Variants in LATS2 observed in about 807,000 individuals in gnomAD.
The protein encoded by LATS2 is large tumor suppressor kinase 2.
A neutral mutation model predicts 76.0 loss-of-function variants in LATS2; 24 were observed. The observed-to-expected ratio is 0.32, with a 90% confidence interval of 0.23 to 0.44. The LOEUF is 0.44. Ranked by LOEUF, LATS2 falls within the 20% of genes least tolerant of loss-of-function variation. The pLI, the probability that LATS2 is intolerant of heterozygous loss-of-function variation, is 1.00. For missense variants in LATS2, 1,286 were observed against 1,481.2 expected (o/e 0.87, Z 2.16); for synonymous variants, 692 against 635.4 (o/e 1.09, Z -1.34).
At chr13:20,992,511 C>T (rs949890786) in intron 2 of LATS2, among the ~76,000 whole-genome samples, 3 of 152,006 alleles carry the variant, frequency 2.0e-5, no homozygotes, top group Admixed American at 6.6e-5. Flanking sequence ...AGGACAGCTC[C>T]GCAGAGCTGT....
intron 2 of LATS2, among the ~76,000 whole-genome samples, chr13:21,035,049 A>G (rs556959253): frequency 1.8e-4 from 25 of 136,612 alleles, no homozygotes; most frequent in Non-Finnish European, 3.5e-4. Context: ...CGAGAAACAT[A>G]GCAAGACTCC....
rs764530088 is a variant in LATS2 at position 20,989,124 on chromosome 13, A to G, written c.656T>C (p.Val219Ala). 8.9e-5 allele frequency: 143 copies of G among 1,608,022 alleles called. No individual in the cohort carries two copies. The highest frequency in any genetic ancestry group is 1.2e-4 in the Non-Finnish European group (140 of 1,177,980). The change falls in exon 4 of 8, where the codon GTC becomes GCC. Residue 219 changes from valine (V) to alanine (A), a missense_variant. Physicochemically the swap from Val to Ala is moderately conservative, Grantham distance 64 (BLOSUM62 0). Around this residue, in one of 5 missense-constraint regions of LATS2, gnomAD observed 710 missense variants for 660.9 expected, o/e 1.07. Transcript: ENST00000382592. Reference sequence around the variant, plus strand: ...CTGGTGGCCGGGCCCGTGGGGGCCGACTCCGGGGAAAAGGTAGTCCACGTA... The same window carrying G: ...CTGGTGGCCGGGCCCGTGGGGGCCGGCTCCGGGGAAAAGGTAGTCCACGTA... Reference protein sequence around the residue: ...RPYVDYLFPGVGPHGPGHQHQ... With the variant: ...RPYVDYLFPGAGPHGPGHQHQ...
intron 2 of LATS2, among the ~76,000 whole-genome samples, chr13:21,039,208 T>A (rs1872784500): frequency 6.6e-6 from 1 of 152,236 alleles, no homozygotes; most frequent in African/African-American, 2.4e-5. Flanking sequence ...CAATTTCCTG[T>A]TACATGACCG....
At chr13:21,015,432 C>T (rs984928808) in intron 2 of LATS2, among the ~76,000 whole-genome samples, 9 of 152,084 alleles carry the variant, frequency 5.9e-5, no homozygotes, top group African/African-American at 2.2e-4. Context: ...AAGACATGTC[C>T]AATACATAGT....
At chr13:21,053,494 C>T (rs1247737537) in intron 1 of LATS2, among the ~76,000 whole-genome samples, 1 of 152,142 alleles carries the variant, frequency 6.6e-6, no homozygotes, top group Non-Finnish European at 1.5e-5. Flanking sequence ...CATGTGCACA[C>T]AGGCCCACGC....
chr13:21,058,051 T>C (rs1007225535), intron 1 of LATS2, among the ~76,000 whole-genome samples: 2 of 152,158 alleles, frequency 1.3e-5, no homozygotes, highest in Non-Finnish European at 2.9e-5. Flanking sequence ...TACTAAGCAA[T>C]AGACTTTTTA....
chr13:21,049,635 T>C (rs1366720002), intron 1 of LATS2, among the ~76,000 whole-genome samples: 6 of 152,130 alleles, frequency 3.9e-5, no homozygotes, highest in Admixed American at 1.3e-4. Flanking sequence ...TTCACTCAGC[T>C]ATGAAAGGAC....
At chr13:20,993,823 A>G (rs1431922716) in intron 2 of LATS2, among the ~76,000 whole-genome samples, 3 of 152,136 alleles carry the variant, frequency 2.0e-5, no homozygotes, top group African/African-American at 7.2e-5. Context: ...TTGGAGGAAG[A>G]CACGATATAA....
intron 1 of LATS2, among the ~76,000 whole-genome samples, chr13:21,059,769 C>T (rs1210235632): frequency 3.3e-5 from 5 of 152,060 alleles, no homozygotes; most frequent in Admixed American, 6.6e-5. Context: ...AGTTCGAGAG[C>T]CAGCCTGGCC....
intron 7 of LATS2, among the ~76,000 whole-genome samples, chr13:20,976,009 A>C (rs898786441): frequency 2.0e-5 from 3 of 152,202 alleles, no homozygotes; most frequent in African/African-American, 4.8e-5. Flanking sequence ...CGGTCAAAAA[A>C]CGGCCAACTG....
Position 21,016,240 on chromosome 13 carries a change from G to A in LATS2, c.343-24836C>T, listed in dbSNP as rs768786760. Among the ~76,000 whole-genome samples the A allele has an allele frequency of 5.3e-4, 80 of 151,894 alleles. 3 individuals carry two copies. Among genetic ancestry groups the A allele is most frequent in the Non-Finnish European group, 1.3e-4 (9 of 67,982 alleles). ...GACTTCAGGTGATTCACCTACCTTG[G>A]CCTCCCAAAGTGCTGGGATTACAGG... is the stretch of plus-strand genomic sequence containing the variant. On this transcript the variant is annotated intron_variant, in intron 2 of 7. Transcript: ENST00000382592.
At chr13:21,037,672 A>G (rs1872727484) in intron 2 of LATS2, among the ~76,000 whole-genome samples, 1 of 152,178 alleles carries the variant, frequency 6.6e-6, no homozygotes, top group Non-Finnish European at 1.5e-5. Flanking sequence ...CGAGGGACCT[A>G]ATTTTGACTG....
At position 20,991,159 on chromosome 13, in the gene LATS2, G is replaced by T; in HGVS notation, c.475+113C>A. 2.3e-6 allele frequency: 3 copies of T among 1,308,178 alleles called. No individual in the cohort carries two copies. The highest frequency in any genetic ancestry group is 3.2e-6 in the Non-Finnish European group (3 of 930,350). The allele number at this position is 1,308,178 out of a possible 1,614,324, so 81.0% of individuals were successfully genotyped here. ...GCCTGTTAACTGAATGAGGCAATGT[G>T]CCAGGAGACTGGCTCTGGCCAGGCC... On this transcript the variant is annotated intron_variant, in intron 3 of 7. Coordinates refer to ENST00000382592, the MANE Select transcript of LATS2 (RefSeq NM_014572.3). This position sits in a 1 kb window ranked among gnomAD's most constrained non-coding sequence, Gnocchi z 4.9.
chr13:21,014,292 A>G (rs1871712642), intron 2 of LATS2, among the ~76,000 whole-genome samples: 1 of 152,124 alleles, frequency 6.6e-6, no homozygotes, highest in East Asian at 1.9e-4. Context: ...ACCAGGGAGG[A>G]CAATTAGCAT....
intron 1 of LATS2, among the ~76,000 whole-genome samples, chr13:21,051,604 T>C (rs1402834403): frequency 6.6e-6 from 1 of 152,100 alleles, no homozygotes; most frequent in Non-Finnish European, 1.5e-5. Context: ...GTCTGGGCAA[T>C]GCGGCCCACC....
At chr13:21,029,926 C>T (rs569667793) in intron 2 of LATS2, among the ~76,000 whole-genome samples, 3 of 151,936 alleles carry the variant, frequency 2.0e-5, no homozygotes, top group Admixed American at 1.3e-4. Context: ...GGGTTCAAGA[C>T]CAGCCTGGCC....
At chr13:21,009,034 G>A (rs373064421) in intron 2 of LATS2, among the ~76,000 whole-genome samples, 3 of 152,170 alleles carry the variant, frequency 2.0e-5, no homozygotes, top group South Asian at 2.1e-4. Context: ...CAGGTTGTTC[G>A]TCCCACTGCC....
chr13:21,026,379 T>C (rs567658857), intron 2 of LATS2, among the ~76,000 whole-genome samples: 4 of 152,310 alleles, frequency 2.6e-5, no homozygotes, highest in African/African-American at 9.6e-5. Context: ...GTACTTTTTG[T>C]GTTCAGCATC....
rs1053646278 is a variant in LATS2, at chr13:20,988,717, G to A, written c.1063C>T (p.Leu355Phe). ...CCCAATTCATACAGGTCCACGTTGA[G>A]GCTGTTCCGCGAGGGAGTGAGCAGG... ...QSLLTPSRNS[L>F]NVDLYELGST... Residue 355 changes from leucine (L) to phenylalanine (F), a missense_variant, in exon 4 of 8, where the codon CTC (leucine) becomes TTC (phenylalanine). Transcript: ENST00000382592. 1.3e-6 allele frequency: 2 copies of A among 1,566,548 alleles called. No individual in the cohort carries two copies. Among genetic ancestry groups the A allele is most frequent in the Middle Eastern group, 1.7e-4 (1 of 5,896 alleles).
Sources: gnomAD v4.1 joint callset for allele counts (sites outside exome capture counted in the v4.1 genomes callset) on GRCh38, gnomAD v4.1.1 for gene constraint, gnomAD v4.1.1 regional missense constraint, Gnocchi (gnomAD v3.1) non-coding constraint, MANE v1.5 for transcripts, NCBI Gene and HGNC (gene_info 2026-07-23, HGNC 2026-07-21) for gene names.